GALNT10: variants seen among roughly 807,000 people sequenced by gnomAD.
The protein encoded by GALNT10 is GalNAc transferase 10.
In GALNT10, 41 loss-of-function variants were observed where a neutral mutation model predicts 75.0. The ratio of observed to expected loss-of-function variants is 0.55; its 90% CI spans 0.43 to 0.71. GALNT10 has a LOEUF of 0.71. Among genes scored for constraint, GALNT10 ranks in the 30% least tolerant of loss-of-function variants. GALNT10 has a pLI of 0.00. For missense variants in GALNT10, 727 were observed against 818.5 expected (o/e 0.89, Z 1.36); for synonymous variants, 302 against 313.0 (o/e 0.96, Z 0.37).
chr5:154,351,552 T>C (rs1031115425), intron 4 of GALNT10, among the ~76,000 whole-genome samples: 4 of 152,250 alleles, frequency 2.6e-5, no homozygotes, highest in Admixed American at 2.0e-4. Context: ...ACATGATAAA[T>C]TGGAAAGGCC....
chr5:154,358,826 C>T (rs535284771), intron 4 of GALNT10, among the ~76,000 whole-genome samples: 98 of 152,330 alleles, frequency 6.4e-4, no homozygotes, highest in Middle Eastern at 3.4e-3. Flanking sequence ...CTCATCCTAA[C>T]TGCTCAGAGC....
intron 4 of GALNT10, among the ~76,000 whole-genome samples, chr5:154,335,978 AC>A (rs1176320770): frequency 6.6e-6 from 1 of 152,152 alleles, no homozygotes; most frequent in African/African-American, 2.4e-5. Flanking sequence ...TCTGTGCTCC[AC>A]CTGTTCATCC....
intron 7 of GALNT10, among the ~76,000 whole-genome samples, chr5:154,401,531 T>C (rs774605431): frequency 2.6e-5 from 4 of 152,214 alleles, no homozygotes; most frequent in Non-Finnish European, 5.9e-5. Context: ...AAAATAAACT[T>C]CTTGGTTTGG....
intron 3 of GALNT10, among the ~76,000 whole-genome samples, chr5:154,313,398 G>A (rs1002066540): frequency 2.0e-5 from 3 of 151,968 alleles, no homozygotes; most frequent in Non-Finnish European, 2.9e-5. Context: ...CAAAAGGAAG[G>A]AAAAGAAAGC....
At chr5:154,213,435 G>A (rs942478053) in intron 1 of GALNT10, among the ~76,000 whole-genome samples, 1 of 152,172 alleles carries the variant, frequency 6.6e-6, no homozygotes, top group Non-Finnish European at 1.5e-5. Flanking sequence ...TCCCCTCTCT[G>A]TATAGGCACA....
intron 1 of GALNT10, among the ~76,000 whole-genome samples, chr5:154,233,786 G>A (rs906356305): frequency 6.6e-6 from 1 of 152,228 alleles, no homozygotes; most frequent in African/African-American, 2.4e-5. Flanking sequence ...CTACAGTCTT[G>A]CTGGGAGACT....
intron 7 of GALNT10, 187 bp downstream of exon 7, chr5:154,386,617 G>GA: frequency 2.7e-6 from 1 of 365,830 alleles, no homozygotes; most frequent in Non-Finnish European, 5.3e-6. Context: ...GGGGGTGTGG[G>GA]AGGGAAGGGG....
intron 1 of GALNT10, among the ~76,000 whole-genome samples, chr5:154,192,973 G>T (rs1336750602): frequency 6.6e-6 from 1 of 152,136 alleles, no homozygotes; most frequent in Non-Finnish European, 1.5e-5. Flanking sequence ...TGTGCAAGAG[G>T]GTATTGATAG....
At chr5:154,399,318 G>A (rs187889437) in intron 7 of GALNT10, among the ~76,000 whole-genome samples, 177 of 152,282 alleles carry the variant, frequency 1.2e-3, no homozygotes, top group African/African-American at 4.1e-3. Flanking sequence ...CCCCTAGCCC[G>A]TCCTTGGAAG....
chr5:154,285,031 A>G (rs1429547714), intron 1 of GALNT10, among the ~76,000 whole-genome samples: 2 of 152,244 alleles, frequency 1.3e-5, no homozygotes, highest in Non-Finnish European at 2.9e-5. Flanking sequence ...CTCATGGAAT[A>G]TGAAGACACA....
intron 1 of GALNT10, among the ~76,000 whole-genome samples, chr5:154,252,936 T>C (rs28705286): frequency 0.17 from 26,033 of 150,880 alleles, 2,421 homozygotes; most frequent in Middle Eastern, 0.26. Flanking sequence ...TTAAAATTTT[T>C]ATCTGCTTTC....
chr5:154,289,601 C>T (rs923516131), intron 1 of GALNT10, among the ~76,000 whole-genome samples: 2 of 152,184 alleles, frequency 1.3e-5, no homozygotes, highest in Non-Finnish European at 2.9e-5. Context: ...CTCTGTTAGC[C>T]TCAGATTTCG....
At chr5:154,371,155 G>T (rs981344345) in intron 4 of GALNT10, among the ~76,000 whole-genome samples, 4 of 152,048 alleles carry the variant, frequency 2.6e-5, no homozygotes, top group Non-Finnish European at 5.9e-5. Flanking sequence ...GCATTCCTTG[G>T]CTCATAGACT....
At position 154,409,374 on chromosome 5, in the gene GALNT10, A is replaced by G. The variant is rs1756346757; in HGVS notation, c.1165-167A>G. 7 of 685,086 alleles carry G rather than the reference A, an allele frequency of 1.0e-5. No homozygotes were observed. Among genetic ancestry groups the G allele is most frequent in the South Asian group, 1.0e-4 (6 of 59,682 alleles). 42.4% of individuals were successfully genotyped at this position (685,086 alleles called of 1,614,324 possible). On this transcript the variant is annotated intron_variant, in intron 8 of 11. Transcript: ENST00000297107. The surrounding 1 kb of genome is among the most constrained non-coding windows in gnomAD (Gnocchi z 4.5). ...GCTGTGAAGCCCTTAAAACATGCAT[A>G]ATGATAAATAGAAACACAGAAGGCC...
intron 1 of GALNT10, among the ~76,000 whole-genome samples, chr5:154,232,012 C>A (rs1753158114): frequency 6.6e-6 from 1 of 152,198 alleles, no homozygotes; most frequent in Admixed American, 6.5e-5. Flanking sequence ...GCATGGATGG[C>A]CCTCTGCCCT....
At chr5:154,270,456 A>C (rs1382142605) in intron 1 of GALNT10, among the ~76,000 whole-genome samples, 3 of 151,972 alleles carry the variant, frequency 2.0e-5, no homozygotes, top group Non-Finnish European at 4.4e-5. Context: ...CAGAACAATA[A>C]GAGGCAAATG....
In GALNT10 at chr5:154,416,051, C is replaced by T. The variant is rs1192767487; in HGVS notation, c.1653+119C>T. On this transcript the variant is annotated intron_variant, in intron 11 of 11. Transcript: ENST00000297107. This position sits in a 1 kb window ranked among gnomAD's most constrained non-coding sequence, Gnocchi z 4.5. ...TTATTCATTTGTGCCACAAACCTAC[C>T]ATGCCGGATTTTGTAGTCATTCAAG... 1.1e-6 allele frequency: 1 copy of T among 909,104 alleles called. No individual in the cohort carries two copies. Among genetic ancestry groups the T allele is most frequent in the Admixed American group, 2.7e-5 (1 of 37,092 alleles). 56.3% of individuals were successfully genotyped at this position (909,104 alleles called of 1,614,324 possible).
At chr5:154,397,512 G>A (rs1756044477) in intron 7 of GALNT10, among the ~76,000 whole-genome samples, 1 of 152,132 alleles carries the variant, frequency 6.6e-6, no homozygotes, top group South Asian at 2.1e-4. Flanking sequence ...TTGCAGAGGA[G>A]GAAACTGAGG....
intron 1 of GALNT10, among the ~76,000 whole-genome samples, chr5:154,212,936 C>A (rs976867159): frequency 6.7e-5 from 10 of 149,406 alleles, no homozygotes; most frequent in Non-Finnish European, 1.0e-4. Context: ...CCACTGCTCT[C>A]CAGCCTGGGC....
Sources: gnomAD v4.1 joint callset for allele counts (sites outside exome capture counted in the v4.1 genomes callset) on GRCh38, gnomAD v4.1.1 for gene constraint, Gnocchi (gnomAD v3.1) non-coding constraint, MANE v1.5 for transcripts, NCBI Gene and HGNC (gene_info 2026-07-23, HGNC 2026-07-21) for gene names.